Variants in RNF128 observed in about 807,000 individuals in gnomAD.
The protein encoded by RNF128 is E3 ubiquitin-protein ligase RNF128.
In RNF128, 13 loss-of-function variants were observed where a neutral mutation model predicts 26.2. The observed-to-expected ratio is 0.50, with a 90% CI of 0.32 to 0.79. RNF128 has a LOEUF of 0.79. Ranked by LOEUF, RNF128 falls within the 30% of genes least tolerant of loss-of-function variation. The pLI is 0.03. For synonymous variants in RNF128, 149 were observed against 142.5 expected (o/e 1.05, Z -0.32); for missense variants, 315 against 349.7 (o/e 0.90, Z 0.79).
chrX:106,728,856 G>C (rs1929454107), intron 1 of RNF128, among the ~76,000 whole-genome samples: 3 of 112,016 alleles, frequency 2.7e-5, no homozygotes, highest in Admixed American at 9.4e-5. Flanking sequence ...GATCTAAAAT[G>C]CTATGATTTT....
At chrX:106,782,541 G>A (rs1930584532) in intron 2 of RNF128, among the ~76,000 whole-genome samples, 1 of 111,720 alleles carries the variant, frequency 9.0e-6, no homozygotes, top group African/African-American at 3.3e-5. Context: ...GAAGAGCAGA[G>A]TTCCAGTACC....
intron 2 of RNF128, among the ~76,000 whole-genome samples, chrX:106,784,564 T>G (rs775473479): frequency 8.9e-6 from 1 of 111,815 alleles, no homozygotes; most frequent in East Asian, 2.8e-4. Flanking sequence ...TACCCTCATT[T>G]TATAGATAAG....
intron 1 of RNF128, among the ~76,000 whole-genome samples, chrX:106,748,563 T>A (rs1420125674): frequency 1.8e-5 from 2 of 112,257 alleles, no homozygotes; most frequent in Non-Finnish European, 3.8e-5. Context: ...AAATGTGGTA[T>A]GTGTACACAA....
rs190660946 is a variant in RNF128 at position 106,720,510 on chromosome X, G to A, written c.406+26102G>A. Among the ~76,000 whole-genome samples, 382 of 111,047 alleles carry A rather than the reference G, an allele frequency of 3.4e-3. 1 individual carries two copies. Among genetic ancestry groups the A allele is most frequent in the African/African-American group, 0.012 (371 of 30,567 alleles). On this transcript the variant is annotated intron_variant, in intron 1 of 6. Coordinates refer to the RNF128 transcript ENST00000324342. The stretch of plus-strand genomic sequence containing the variant: ...ATTACAGGCATGAGCCACCACACCC[G>A]GCCTCATAATCTCTGTTATCTAGGA...
rs1336754140 is a variant in RNF128, at chrX:106,726,715, G to A, written c.-199G>A. 4 of 1,035,220 alleles carry A rather than the reference G, an allele frequency of 3.9e-6. No homozygotes were observed. The highest frequency in any genetic ancestry group is 3.9e-5 in the East Asian group (1 of 25,570). 85.3% of individuals were successfully genotyped at this position (1,035,220 alleles called of 1,213,427 possible). On this transcript the variant is annotated 5_prime_UTR_variant, in exon 1 of 7. Coordinates refer to ENST00000255499, the MANE Select transcript of RNF128 (RefSeq NM_194463.2). ...ACGCGGCAGCCGCGGTAGCGGAGAAGACTGGAGCTCCGAGGAGCTGCATCT... is the reference window on the plus strand; with the variant it reads ...ACGCGGCAGCCGCGGTAGCGGAGAAAACTGGAGCTCCGAGGAGCTGCATCT...
chrX:106,749,036 A>AT (rs1285067327), intron 1 of RNF128, among the ~76,000 whole-genome samples: 1 of 111,823 alleles, frequency 8.9e-6, no homozygotes, highest in Admixed American at 9.5e-5. Flanking sequence ...AAGGAAGTGA[A>AT]TTTTTTTCTC....
In RNF128 at chrX:106,726,716, A is replaced by G; in HGVS notation, c.-198A>G. 2.9e-6 allele frequency: 3 copies of G among 1,036,480 alleles called. No homozygotes were observed. The highest frequency in any genetic ancestry group is 3.7e-6 in the Non-Finnish European group (3 of 816,491). The allele number at this position is 1,036,480 out of a possible 1,213,427, so 85.4% of individuals were successfully genotyped here. The stretch of plus-strand genomic sequence containing the variant: ...CGCGGCAGCCGCGGTAGCGGAGAAG[A>G]CTGGAGCTCCGAGGAGCTGCATCTG... On this transcript the variant is annotated 5_prime_UTR_variant, in exon 1 of 7. Transcript: ENST00000255499.
chrX:106,714,099 A>T (rs1929174384), intron 1 of RNF128, among the ~76,000 whole-genome samples: 1 of 106,983 alleles, frequency 9.3e-6, no homozygotes, highest in South Asian at 4.4e-4. Flanking sequence ...AATGGCGTGA[A>T]CCCAGGAGGC....
chrX:106,703,932 T>A (rs1333951714), intron 1 of RNF128, among the ~76,000 whole-genome samples: 2 of 110,149 alleles, frequency 1.8e-5, no homozygotes, highest in African/African-American at 6.6e-5. Context: ...CAACAAAAAT[T>A]CCTGAAGTTA....
intron 2 of RNF128, among the ~76,000 whole-genome samples, chrX:106,777,422 G>A (rs1211462030): frequency 8.9e-6 from 1 of 112,070 alleles, no homozygotes; most frequent in Non-Finnish European, 1.9e-5. Flanking sequence ...TCCACTCCTT[G>A]TTGGCTTCTG....
At chrX:106,770,338 A>G (rs1332260406) in intron 1 of RNF128, among the ~76,000 whole-genome samples, 2 of 111,347 alleles carry the variant, frequency 1.8e-5, no homozygotes, top group Admixed American at 1.9e-4. Flanking sequence ...CCTGAAGAGT[A>G]TTTTCCGACG....
At chrX:106,714,177 CAA>C (rs59889624) in intron 1 of RNF128, among the ~76,000 whole-genome samples, 10,001 of 51,496 alleles carry the variant, frequency 0.19, 1,566 homozygotes, top group African/African-American at 0.46. Context: ...GACTCCGTCT[CAA>C]AAAAAAAAAA....
rs759781388 is a variant in RNF128, at chrX:106,726,973, G to C, written c.60G>C (p.Leu20Phe). Residue 20 changes from leucine (L) to phenylalanine (F), a missense_variant, in exon 1 of 7, where the codon TTG becomes TTC. Physicochemically the swap from Leu to Phe is conservative, Grantham distance 22 (BLOSUM62 0). Coordinates refer to ENST00000255499, the MANE Select transcript of RNF128 (RefSeq NM_194463.2). ...SCRGGCGFSR[L>F]LAWCFLLALS... Reference sequence around the variant, plus strand: ...GCGGTGGCTGCGGCTTTTCCAGATTGCTGGCATGGTGCTTCCTGCTGGCCC... The same window carrying C: ...GCGGTGGCTGCGGCTTTTCCAGATTCCTGGCATGGTGCTTCCTGCTGGCCC... 8.4e-7 allele frequency: 1 copy of C among 1,195,402 alleles called. No homozygotes were observed. Among genetic ancestry groups the C allele is most frequent in the East Asian group, 3.0e-5 (1 of 33,212 alleles).
chrX:106,765,570 C>T (rs1930204728), intron 1 of RNF128, among the ~76,000 whole-genome samples: 1 of 111,628 alleles, frequency 9.0e-6, no homozygotes, highest in African/African-American at 3.2e-5. Context: ...GGCAAAATTA[C>T]CTCCAGACCC....
intron 1 of RNF128, among the ~76,000 whole-genome samples, chrX:106,731,561 C>G (rs1337086719): frequency 8.9e-6 from 1 of 111,853 alleles, no homozygotes; most frequent in Non-Finnish European, 1.9e-5. Context: ...ATTCCCAAAG[C>G]CATTTTCAGA....
At chrX:106,781,542 T>C in intron 2 of RNF128, among the ~76,000 whole-genome samples, 1 of 111,485 alleles carries the variant, frequency 9.0e-6, no homozygotes, top group Non-Finnish European at 1.9e-5. Flanking sequence ...AGTGTCACAG[T>C]GAAATATCTT....
chrX:106,771,973 G>T (rs892943225), intron 1 of RNF128, among the ~76,000 whole-genome samples: 21 of 112,014 alleles, frequency 1.9e-4, no homozygotes, highest in African/African-American at 6.8e-4. Context: ...AATATCAGTG[G>T]GAGGTTTCTC....
intron 2 of RNF128, among the ~76,000 whole-genome samples, chrX:106,779,269 T>A (rs1417526621): frequency 9.0e-6 from 1 of 110,819 alleles, no homozygotes. Context: ...ATATTCAAGG[T>A]GTACAACATT....
chrX:106,705,703 G>A (rs1387140893), intron 1 of RNF128, among the ~76,000 whole-genome samples: 1 of 111,864 alleles, frequency 8.9e-6, no homozygotes, highest in Non-Finnish European at 1.9e-5. Context: ...ATAGGATGCA[G>A]CCAGCATCTA....
Sources: allele counts gnomAD v4.1 joint callset (sites outside exome capture counted in the v4.1 genomes callset), GRCh38; gene constraint gnomAD v4.1.1; transcripts MANE v1.5; gene names NCBI Gene and HGNC (gene_info 2026-07-23, HGNC 2026-07-21).